The following ZBTB20 variants were observed in gnomAD, a reference collection of about 807,000 sequenced individuals.
ZBTB20 encodes the protein zinc finger and BTB domain-containing protein 20.
Under a neutral mutation model 56.9 loss-of-function variants are expected in ZBTB20, and 9 were observed. That is an observed-to-expected ratio of 0.16 (90% CI 0.10 to 0.28). The LOEUF (loss-of-function observed/expected upper bound fraction) is 0.28. Ranked by LOEUF, ZBTB20 falls within the 10% of genes least tolerant of loss-of-function variation. The pLI is 1.00. For synonymous variants in ZBTB20, 417 were observed against 420.7 expected, an observed-to-expected ratio of 0.99 and a Z score of 0.11; for missense variants, 655 against 1,003.0, an observed-to-expected ratio of 0.65 and a Z score of 4.69.
At chr3:114,916,071 G>A (rs1332297814) in intron 3 of ZBTB20, among the ~76,000 whole-genome samples, 1 of 152,096 alleles carries the variant, frequency 6.6e-6, no homozygotes. Flanking sequence ...GGTTCATTCA[G>A]TCTATGGTGC....
At chr3:114,601,743 G>C (rs2056773835) in intron 6 of ZBTB20, among the ~76,000 whole-genome samples, 2 of 151,992 alleles carry the variant, frequency 1.3e-5, no homozygotes, top group South Asian at 4.1e-4. Context: ...AGTATAGAGA[G>C]CAAGGAGAAA....
intron 3 of ZBTB20, among the ~76,000 whole-genome samples, chr3:114,921,124 G>A (rs963907095): frequency 6.6e-6 from 1 of 152,034 alleles, no homozygotes; most frequent in African/African-American, 2.4e-5. Flanking sequence ...CCCAGGACTA[G>A]ATGTCTTTTA....
chr3:114,514,794 G>A (rs909222442), intron 6 of ZBTB20, among the ~76,000 whole-genome samples: 4 of 152,064 alleles, frequency 2.6e-5, no homozygotes, highest in Non-Finnish European at 4.4e-5. Flanking sequence ...AGAATAAATC[G>A]ATAATCTTAA....
At chr3:114,345,752 G>C (rs1254012775) in intron 11 of ZBTB20, among the ~76,000 whole-genome samples, 1 of 152,164 alleles carries the variant, frequency 6.6e-6, no homozygotes, top group African/African-American at 2.4e-5. Context: ...CTAGTGTAGG[G>C]ATCACACTGC....
intron 6 of ZBTB20, chr3:114,582,408 A>G (rs1332431386): frequency 6.6e-6 from 1 of 151,114 alleles, no homozygotes; most frequent in Non-Finnish European, 1.5e-5. Flanking sequence ...TTTTAAAGAC[A>G]GAGTCTCACT....
At chr3:115,014,523 C>T (rs1393710188) in intron 2 of ZBTB20, among the ~76,000 whole-genome samples, 1 of 151,464 alleles carries the variant, frequency 6.6e-6, no homozygotes, top group Non-Finnish European at 1.5e-5. Context: ...ATCAAAATAC[C>T]TCATGTACCC....
intron 6 of ZBTB20, chr3:114,658,623 C>T (rs2060542635): frequency 6.6e-6 from 1 of 152,204 alleles, no homozygotes; most frequent in African/African-American, 2.4e-5. Context: ...AACTTGCTCT[C>T]TATCATCTCC....
intron 6 of ZBTB20, among the ~76,000 whole-genome samples, chr3:114,576,984 T>G (rs1415243755): frequency 6.6e-6 from 1 of 152,178 alleles, no homozygotes; most frequent in Non-Finnish European, 1.5e-5. Context: ...AACCATAGGA[T>G]AGCAGTTTAA....
intron 3 of ZBTB20, among the ~76,000 whole-genome samples, chr3:114,922,104 C>T (rs75100275): frequency 0.02 from 3,110 of 152,008 alleles, 109 homozygotes; most frequent in African/African-American, 0.072. Flanking sequence ...GATAACAGTG[C>T]GGGAAAAGCA....
At chr3:114,367,288 AC>A (rs2082514215) in intron 10 of ZBTB20, 1 of 151,432 alleles carries the variant, frequency 6.6e-6, no homozygotes, top group African/African-American at 2.5e-5. Context: ...TTTTTTAGAG[AC>A]AGGATCTCAC....
chr3:114,621,147 A>G (rs568660157), intron 6 of ZBTB20, among the ~76,000 whole-genome samples: 2 of 152,328 alleles, frequency 1.3e-5, no homozygotes, highest in East Asian at 3.9e-4. Context: ...AGCAATTAAT[A>G]TTTTGAAGCT....
At chr3:114,897,841 A>C (rs112697741) in intron 4 of ZBTB20, among the ~76,000 whole-genome samples, 2 of 152,252 alleles carry the variant, frequency 1.3e-5, no homozygotes, top group South Asian at 2.1e-4. Flanking sequence ...TGAGAAGCCT[A>C]AACAAAAGGT....
chr3:114,337,679 T>C lies in ZBTB20; in HGVS notation c.*1326A>G, dbSNP rs557850513. On this transcript the variant is annotated 3_prime_UTR_variant, in exon 12 of 12. Transcript: ENST00000675478. ...TCAACCCAGGCAATACTTAAAATAA[T>C]AAAAATTAAGAAAAATTAAAAAAAA... 76 of 152,132 alleles carry C rather than the reference T, an allele frequency of 5.0e-4. No individual in the cohort carries two copies. Among genetic ancestry groups the C allele is most frequent in the Non-Finnish European group, 9.4e-4 (64 of 67,982 alleles). The allele number at this position is 152,132 out of a possible 1,614,324, so 9.4% of individuals were successfully genotyped here.
chr3:114,974,536 A>C (rs1345822968), intron 2 of ZBTB20, 120 bp from the exon 3 acceptor site: 1 of 152,146 alleles, frequency 6.6e-6, no homozygotes, highest in Non-Finnish European at 1.5e-5. Flanking sequence ...TATAGTTTTA[A>C]AAAGAAAACT....
intron 6 of ZBTB20, among the ~76,000 whole-genome samples, chr3:114,501,653 A>G (rs573968638): frequency 6.6e-6 from 1 of 150,888 alleles, no homozygotes; most frequent in Non-Finnish European, 1.5e-5. Context: ...GGCCAAAAAA[A>G]AAAAAAACTA....
chr3:114,762,982 C>G (rs1201361526), intron 5 of ZBTB20, among the ~76,000 whole-genome samples: 1 of 152,048 alleles, frequency 6.6e-6, no homozygotes, highest in Non-Finnish European at 1.5e-5. Context: ...CTATTTTTCC[C>G]AAATAAATTT....
chr3:114,647,599 A>C (rs1391425383), intron 6 of ZBTB20, among the ~76,000 whole-genome samples: 1 of 152,172 alleles, frequency 6.6e-6, no homozygotes, highest in African/African-American at 2.4e-5. Context: ...AAACTCCACT[A>C]TTTATTATTG....
chr3:115,022,662 C>T (rs1184375619), intron 2 of ZBTB20, among the ~76,000 whole-genome samples: 1 of 150,906 alleles, frequency 6.6e-6, no homozygotes, highest in Non-Finnish European at 1.5e-5. Context: ...TCCTCTACTC[C>T]CTTCAAACTA....
chr3:114,904,117 G>GTT (rs2075232000), intron 3 of ZBTB20, among the ~76,000 whole-genome samples: 2 of 151,840 alleles, frequency 1.3e-5, no homozygotes, highest in Admixed American at 6.6e-5. Flanking sequence ...ATACTATAGA[G>GTT]TGTTTGTTTG....
Sources: gnomAD v4.1 joint callset for allele counts (sites outside exome capture counted in the v4.1 genomes callset) on GRCh38, gnomAD v4.1.1 for gene constraint, MANE v1.5 for transcripts, NCBI Gene and HGNC (gene_info 2026-07-23, HGNC 2026-07-21) for gene names.